NOS1AP: variants seen among roughly 807,000 people sequenced by gnomAD.
NOS1AP encodes the protein nitric oxide synthase 1 adaptor protein, also known as carboxyl-terminal PDZ ligand of neuronal nitric oxide synthase protein.
NOS1AP carries 21 observed loss-of-function variants against 56.2 expected under a neutral mutation model. The ratio of observed to expected loss-of-function variants is 0.37; its 90% CI spans 0.26 to 0.54. The LOEUF (loss-of-function observed/expected upper bound fraction) is 0.54, where lower values mean the gene tolerates loss of function less well. Among genes scored for constraint, NOS1AP ranks in the 20% least tolerant of loss-of-function variants. NOS1AP has a pLI of 0.84. For synonymous variants in NOS1AP, 270 were observed against 274.6 expected, an observed-to-expected ratio of 0.98 and a Z score of 0.17; for missense variants, 522 against 657.8, an observed-to-expected ratio of 0.79 and a Z score of 2.26.
chr1:162,365,534 A>G lies in NOS1AP; in HGVS notation c.1070A>G (p.Gln357Arg). ...QHISLLVKQV[Q>R]ELELKLSGQN... ...ATCTCCCTGCTGGTCAAGCAGGTGC[A>G]AGAGCTGGAACTGAAGCTGTCAGGA... The change falls in exon 9 of 10, where the codon CAA (glutamine) becomes CGA (arginine). Residue 357 changes from glutamine to arginine, a missense_variant. By Grantham distance (43) the Gln-to-Arg change is conservative. Transcript: ENST00000361897. 1.2e-6 allele frequency: 2 copies of G among 1,613,270 alleles called. No individual in the cohort carries two copies. Among genetic ancestry groups the G allele is most frequent in the Non-Finnish European group, 1.7e-6 (2 of 1,180,042 alleles).
intron 4 of NOS1AP, among the ~76,000 whole-genome samples, chr1:162,324,546 G>A (rs533194460): frequency 1.3e-5 from 2 of 151,098 alleles, no homozygotes; most frequent in East Asian, 3.9e-4. Flanking sequence ...AGTAAAGCAG[G>A]GGAGGTTTTA....
At chr1:162,276,546 A>C (rs1654740013) in intron 2 of NOS1AP, among the ~76,000 whole-genome samples, 1 of 151,654 alleles carries the variant, frequency 6.6e-6, no homozygotes, top group African/African-American at 2.4e-5. Flanking sequence ...AAAAAGCCCA[A>C]TGTCCAGGCT....
chr1:162,291,953 A>G (rs1655296080), intron 3 of NOS1AP, among the ~76,000 whole-genome samples: 1 of 152,238 alleles, frequency 6.6e-6, no homozygotes, highest in South Asian at 2.1e-4. Flanking sequence ...AAGAAAGACT[A>G]GTCTTGAACT....
At chr1:162,167,346 A>C (rs1650549074) in intron 2 of NOS1AP, among the ~76,000 whole-genome samples, 1 of 152,198 alleles carries the variant, frequency 6.6e-6, no homozygotes, top group Non-Finnish European at 1.5e-5. Flanking sequence ...GTGTACATCT[A>C]GCCTTTCTCC....
At chr1:162,101,262 T>C (rs1649186886) in intron 1 of NOS1AP, among the ~76,000 whole-genome samples, 1 of 152,226 alleles carries the variant, frequency 6.6e-6, no homozygotes, top group African/African-American at 2.4e-5. Flanking sequence ...TGTGGTCTTC[T>C]TTCTGAGTTC....
At chr1:162,099,454 TG>T (rs1432309538) in intron 1 of NOS1AP, among the ~76,000 whole-genome samples, 1 of 152,176 alleles carries the variant, frequency 6.6e-6, no homozygotes, top group Non-Finnish European at 1.5e-5. Flanking sequence ...CCCAATGTGC[TG>T]GGATTATAGG....
At chr1:162,118,753 C>G (rs1648074373) in intron 1 of NOS1AP, among the ~76,000 whole-genome samples, 1 of 152,238 alleles carries the variant, frequency 6.6e-6, no homozygotes, top group South Asian at 2.1e-4. Context: ...CAATTTGCTC[C>G]ATGTTTACTG....
rs544172936 is a variant in NOS1AP, at chr1:162,218,502, C to T, written c.177+64026C>T. Reference sequence around the variant, plus strand: ...AGGCATGACTGTGATTCTACTGTTGCTCCCACTCCTGCTATCACCCTGCAT... The same window carrying T: ...AGGCATGACTGTGATTCTACTGTTGTTCCCACTCCTGCTATCACCCTGCAT... On this transcript the variant is annotated intron_variant, in intron 2 of 9. Transcript: ENST00000361897. Among the ~76,000 whole-genome samples, 228 of 152,310 alleles carry T rather than the reference C, an allele frequency of 1.5e-3. 2 individuals carry two copies. The highest frequency in any genetic ancestry group is 2.9e-3 in the Admixed American group (45 of 15,304).
chr1:162,091,151 C>T (rs1057263857), intron 1 of NOS1AP, among the ~76,000 whole-genome samples: 3 of 152,012 alleles, frequency 2.0e-5, no homozygotes, highest in African/African-American at 7.3e-5. Context: ...TCTCTGTTGC[C>T]TGTCCTGCTT....
In NOS1AP at chr1:162,109,316, T is replaced by C. The variant is rs1435711632; in HGVS notation, c.105+39034T>C. Among the ~76,000 whole-genome samples, 3 of 152,230 alleles carry C rather than the reference T, an allele frequency of 2.0e-5. No individual in the cohort carries two copies. In the East Asian group the frequency reaches 5.8e-4, roughly 29 times the overall value. The stretch of plus-strand genomic sequence containing the variant: ...ACAATTTTGAGACAACCAGGGAGAA[T>C]TTGAGCACTGGCTGGCTATCTGATA... On this transcript the variant is annotated intron_variant, in intron 1 of 9. Coordinates refer to ENST00000361897, the MANE Select transcript of NOS1AP (RefSeq NM_014697.3).
At chr1:162,290,884 G>A (rs1655264889) in intron 3 of NOS1AP, among the ~76,000 whole-genome samples, 1 of 152,162 alleles carries the variant, frequency 6.6e-6, no homozygotes, top group Admixed American at 6.5e-5. Flanking sequence ...AGCTTCAACT[G>A]TGAAGAGTTC....
At chr1:162,336,932 G>A (rs1450951429) in intron 5 of NOS1AP, among the ~76,000 whole-genome samples, 1 of 152,202 alleles carries the variant, frequency 6.6e-6, no homozygotes, top group Non-Finnish European at 1.5e-5. Context: ...ATGGGAGTGG[G>A]TCTTTTCCTC....
intron 2 of NOS1AP, among the ~76,000 whole-genome samples, chr1:162,171,621 C>A (rs542498869): frequency 2.0e-5 from 3 of 152,134 alleles, no homozygotes; most frequent in Admixed American, 6.5e-5. Flanking sequence ...GAACTTGGAG[C>A]CTTTGGGGAC....
Position 162,367,646 on chromosome 1 carries a change from GA to G in NOS1AP, c.*182del. 2 of 709,720 alleles carry G rather than the reference GA, an allele frequency of 2.8e-6. No homozygotes were observed. The highest frequency in any genetic ancestry group is 4.6e-6 in the Non-Finnish European group (2 of 438,748). The allele number at this position is 709,720 out of a possible 1,614,324, so 44.0% of individuals were successfully genotyped here. A position where few individuals can be genotyped will look rare whatever the true frequency, so the allele number is the denominator to read the frequency against. On this transcript the variant is annotated 3_prime_UTR_variant, in exon 10 of 10. Coordinates refer to ENST00000361897, the MANE Select transcript of NOS1AP (RefSeq NM_014697.3). The surrounding 1 kb of genome is among the most constrained non-coding windows in gnomAD (Gnocchi z 6.5). The stretch of plus-strand genomic sequence containing the variant: ...CTGCTTTGGAGGGTAAAGTGGGGAA[GA>G]AATCGGATTCCCAGAGGTGAATCAG...
At chr1:162,191,701 G>A (rs1008504629) in intron 2 of NOS1AP, among the ~76,000 whole-genome samples, 2 of 152,120 alleles carry the variant, frequency 1.3e-5, no homozygotes, top group Non-Finnish European at 2.9e-5. Flanking sequence ...GGGGGTAAGA[G>A]AGAGTCCAAC....
intron 7 of NOS1AP, 27 bp from the exon 8 acceptor site, chr1:162,356,933 A>C: frequency 6.2e-7 from 1 of 1,613,844 alleles, no homozygotes; most frequent in Non-Finnish European, 8.5e-7. Flanking sequence ...GCCACATGTC[A>C]TGTCCTGTCT....
intron 2 of NOS1AP, among the ~76,000 whole-genome samples, chr1:162,224,701 G>C (rs1406964387): frequency 1.3e-5 from 2 of 152,178 alleles, no homozygotes; most frequent in Non-Finnish European, 2.9e-5. Flanking sequence ...CCCTGAGCCT[G>C]ATTTTATCCA....
intron 1 of NOS1AP, among the ~76,000 whole-genome samples, chr1:162,082,747 T>G (rs1051541254): frequency 1.3e-5 from 2 of 152,124 alleles, no homozygotes; most frequent in African/African-American, 2.4e-5. Context: ...TGAGGACAAG[T>G]TCTCTCCACC....
rs1654137860 is a variant in NOS1AP at position 162,259,400 on chromosome 1, A to G, written c.178-27944A>G. 2.0e-5 allele frequency among the ~76,000 whole-genome samples: 3 copies of G among 152,198 alleles called. No individual in the cohort carries two copies. The South Asian group carries it at 6.2e-4, about 31-fold the overall frequency. On this transcript the variant is annotated intron_variant, in intron 2 of 9. Coordinates refer to ENST00000361897, the MANE Select transcript of NOS1AP (RefSeq NM_014697.3). ...TATAAATAATATTAGGATGCTTGCT[A>G]GTGTCTGATTTTCTTGAGTCTTTCA... is the stretch of plus-strand genomic sequence containing the variant.
Sources: gnomAD v4.1 joint callset for allele counts (sites outside exome capture counted in the v4.1 genomes callset) on GRCh38, gnomAD v4.1.1 for gene constraint, Gnocchi (gnomAD v3.1) non-coding constraint, MANE v1.5 for transcripts, NCBI Gene and HGNC (gene_info 2026-07-23, HGNC 2026-07-21) for gene names.